TNNI3K: variants seen among roughly 807,000 people sequenced by gnomAD.
TNNI3K encodes the protein serine/threonine-protein kinase TNNI3K.
Under a neutral mutation model 114.5 loss-of-function variants are expected in TNNI3K, and 140 were observed. The observed-to-expected ratio is 1.22, with a 90% CI of 1.07 to 1.41. The LOEUF is 1.41. Among genes scored for constraint, TNNI3K ranks in the 40% most tolerant of loss-of-function variants. The probability of loss-of-function intolerance (pLI) is 0.00; values close to 1 mark genes in which losing one functional copy is unlikely to be tolerated. For missense variants in TNNI3K, 1,125 were observed against 1,007.6 expected (o/e 1.12, Z -1.58); for synonymous variants, 347 against 347.5 (o/e 1.00, Z 0.02).
chr1:74,255,198 C>T (rs1655198736), intron 4 of TNNI3K, among the ~76,000 whole-genome samples: 1 of 151,822 alleles, frequency 6.6e-6, no homozygotes, highest in African/African-American at 2.4e-5. Flanking sequence ...ACTAAAAATA[C>T]AAAAAATTAG....
At chr1:74,251,808 G>A (rs986007985) in intron 4 of TNNI3K, among the ~76,000 whole-genome samples, 1 of 152,168 alleles carries the variant, frequency 6.6e-6, no homozygotes, top group Non-Finnish European at 1.5e-5. Flanking sequence ...ACAAATTCCT[G>A]TAATTCATAG....
At chr1:74,440,354 G>A (rs934136682) in intron 20 of TNNI3K, among the ~76,000 whole-genome samples, 2 of 151,990 alleles carry the variant, frequency 1.3e-5, no homozygotes, top group African/African-American at 2.4e-5. Flanking sequence ...TAGCACACTT[G>A]TAAAGTAGTT....
chr1:74,261,508 C>G (rs907427133), intron 4 of TNNI3K, among the ~76,000 whole-genome samples: 1 of 151,996 alleles, frequency 6.6e-6, no homozygotes, highest in Admixed American at 6.6e-5. Context: ...TACAAGATTC[C>G]TGTCACATTT....
chr1:74,306,935 T>G lies in TNNI3K; in HGVS notation c.445-24515T>G, dbSNP rs114789605. Among the ~76,000 whole-genome samples the G allele has an allele frequency of 8.6e-3, 1,316 of 152,316 alleles. 11 individuals carry two copies. Among genetic ancestry groups the G allele is most frequent in the Non-Finnish European group, 0.013 (855 of 68,016 alleles). ...AGGTCTTAATCATAAATTATTTGCC[T>G]AGGTCAATTCCCGAAGAGTTTTTAA... On this transcript the variant is annotated intron_variant, in intron 5 of 24. Coordinates refer to ENST00000326637, the MANE Select transcript of TNNI3K (RefSeq NM_015978.3).
chr1:74,480,184 AT>A, intron 21 of TNNI3K: 1 of 717,422 alleles, frequency 1.4e-6, no homozygotes, highest in Non-Finnish European at 2.6e-6. Context: ...GCAGGGCCAC[AT>A]CTGGTCCTGG....
intron 17 of TNNI3K, among the ~76,000 whole-genome samples, chr1:74,383,719 A>G (rs1054493666): frequency 3.3e-5 from 5 of 152,126 alleles, no homozygotes; most frequent in Admixed American, 6.6e-5. Context: ...AATTCAATTA[A>G]TATTTGTCAG....
At chr1:74,312,250 C>T (rs1480934050) in intron 5 of TNNI3K, among the ~76,000 whole-genome samples, 2 of 152,218 alleles carry the variant, frequency 1.3e-5, no homozygotes, top group Non-Finnish European at 2.9e-5. Context: ...CTATCAGTCT[C>T]ATTTGTTAAA....
In TNNI3K at chr1:74,412,751, T is replaced by C. The variant is rs138113056; in HGVS notation, c.1773-23329T>C. Reference sequence around the variant, plus strand: ...TCCCTCAGCCTCCTGAGTAGCTGGATTTACAGGCATATGCCACCATGCCTG... The same window carrying C: ...TCCCTCAGCCTCCTGAGTAGCTGGACTTACAGGCATATGCCACCATGCCTG... On this transcript the variant is annotated intron_variant, in intron 17 of 24. Coordinates refer to ENST00000326637, the MANE Select transcript of TNNI3K (RefSeq NM_015978.3). Among the ~76,000 whole-genome samples the C allele has an allele frequency of 8.5e-3, 1,290 of 152,172 alleles. 20 individuals are homozygous for C. Among genetic ancestry groups the C allele is most frequent in the African/African-American group, 0.03 (1,227 of 41,528 alleles).
intron 11 of TNNI3K, among the ~76,000 whole-genome samples, chr1:74,356,645 T>A (rs1396517455): frequency 6.6e-6 from 1 of 152,210 alleles, no homozygotes; most frequent in Non-Finnish European, 1.5e-5. Flanking sequence ...TCACAGAGGT[T>A]GGCTTTGTTT....
chr1:74,493,779 T>A (rs1669194720), intron 23 of TNNI3K, among the ~76,000 whole-genome samples: 1 of 152,150 alleles, frequency 6.6e-6, no homozygotes, highest in Non-Finnish European at 1.5e-5. Context: ...GGCTAGTAAC[T>A]CAAGAGGACA....
chr1:74,500,374 G>C (rs931350073), intron 23 of TNNI3K, among the ~76,000 whole-genome samples: 1 of 151,412 alleles, frequency 6.6e-6, no homozygotes, highest in African/African-American at 2.4e-5. Flanking sequence ...GGCCGAGGCG[G>C]GCGGATCACG....
rs1335722935 is a variant in TNNI3K at position 74,544,040 on chromosome 1, A to G, written c.*58A>G. 1.3e-6 allele frequency: 2 copies of G among 1,572,038 alleles called. No homozygotes were observed. Among genetic ancestry groups the G allele is most frequent in the South Asian group, 1.2e-5 (1 of 84,906 alleles). ...TCCCCGAACTGACAGCAACGATTCC[A>G]ACCACGGCAAGCTGGCTTCCAACTA... On this transcript the variant is annotated 3_prime_UTR_variant, in exon 25 of 25. Coordinates refer to ENST00000326637, the MANE Select transcript of TNNI3K (RefSeq NM_015978.3).
intron 17 of TNNI3K, among the ~76,000 whole-genome samples, chr1:74,392,578 T>G (rs1663846750): frequency 1.3e-5 from 2 of 152,194 alleles, no homozygotes; most frequent in Non-Finnish European, 2.9e-5. Context: ...AACCCCTGAT[T>G]CAATTTCTTG....
At chr1:74,406,071 C>A (rs1196244693) in intron 17 of TNNI3K, among the ~76,000 whole-genome samples, 1 of 152,212 alleles carries the variant, frequency 6.6e-6, no homozygotes, top group Non-Finnish European at 1.5e-5. Context: ...GTCAGTTGAT[C>A]TCCTATTGGG....
chr1:74,544,124 A>T lies in TNNI3K; in HGVS notation c.*142A>T. On this transcript the variant is annotated 3_prime_UTR_variant, in exon 25 of 25. Transcript: ENST00000326637. Reference sequence around the variant, plus strand: ...GGCTTGTTTTTACTTGTCCTATTTAATTCCCCACTATTAGCAGGCTTTGGA... The same window carrying T: ...GGCTTGTTTTTACTTGTCCTATTTATTTCCCCACTATTAGCAGGCTTTGGA... The T allele has an allele frequency of 1.3e-6, 1 of 773,898 alleles. No homozygotes were observed. The highest frequency in any genetic ancestry group is 2.0e-6 in the Non-Finnish European group (1 of 508,770). The allele number at this position is 773,898 out of a possible 1,614,324, so 47.9% of individuals were successfully genotyped here. A position where few individuals can be genotyped will look rare whatever the true frequency, so the allele number is the denominator to read the frequency against.
At chr1:74,504,996 A>G (rs920401827) in intron 23 of TNNI3K, among the ~76,000 whole-genome samples, 2 of 152,210 alleles carry the variant, frequency 1.3e-5, no homozygotes, top group Admixed American at 6.5e-5. Context: ...TTTCAATTAG[A>G]TGAAATGACA....
intron 4 of TNNI3K, among the ~76,000 whole-genome samples, chr1:74,251,139 G>T (rs1337161707): frequency 1.3e-5 from 2 of 152,070 alleles, no homozygotes; most frequent in African/African-American, 4.8e-5. Flanking sequence ...GAGAGATGAG[G>T]TTGTATTTAA....
rs1646388103 is a variant in TNNI3K, at chr1:74,518,873, C to CTTTTTTTTTT, written c.2352-21361_2352-21360insTTTTTTTTTT. Among the ~76,000 whole-genome samples the CTTTTTTTTTT allele has an allele frequency of 1.3e-4, 13 of 100,334 alleles. 1 individual carries two copies. Among genetic ancestry groups the CTTTTTTTTTT allele is most frequent in the Non-Finnish European group, 1.4e-4 (8 of 56,344 alleles). 65.8% of individuals were successfully genotyped at this position (100,334 alleles called of 152,430 possible). A position where few individuals can be genotyped will look rare whatever the true frequency, so the allele number is the denominator to read the frequency against. ...TTTTATTTTATTTTATTTTTTTTCC[C>CTTTTTTTTTT]CTTTTTTTTTTTTTTTTTTTTATTA... On this transcript the variant is annotated intron_variant, in intron 23 of 24. Transcript: ENST00000326637.
chr1:74,471,221 G>A (rs950595379), intron 21 of TNNI3K: 6 of 400,558 alleles, frequency 1.5e-5, no homozygotes, highest in African/African-American at 4.1e-5. Flanking sequence ...TTAGTGTTTC[G>A]TTGATAATAT....
Sources: gnomAD v4.1 joint callset for allele counts (sites outside exome capture counted in the v4.1 genomes callset) on GRCh38, gnomAD v4.1.1 for gene constraint, MANE v1.5 for transcripts, NCBI Gene and HGNC (gene_info 2026-07-23, HGNC 2026-07-21) for gene names.